The following SCAPER variants were observed in gnomAD, a reference collection of about 807,000 sequenced individuals.
SCAPER encodes the protein S phase cyclin A-associated protein in the endoplasmic reticulum.
Under a neutral mutation model 182.2 loss-of-function variants are expected in SCAPER, and 98 were observed. The observed-to-expected ratio is 0.54, with a 90% CI of 0.46 to 0.64. The LOEUF (loss-of-function observed/expected upper bound fraction) is 0.64, where lower values mean the gene tolerates loss of function less well. Ranked by LOEUF, SCAPER falls within the 30% of genes least tolerant of loss-of-function variation. The probability of loss-of-function intolerance (pLI) is 0.00; values close to 1 mark genes in which losing one functional copy is unlikely to be tolerated. For missense variants in SCAPER, 1,432 were observed against 1,690.0 expected (o/e 0.85, Z 2.68); for synonymous variants, 605 against 564.6 (o/e 1.07, Z -1.01).
chr15:76,483,672 T>C (rs1197603772), intron 24 of SCAPER, among the ~76,000 whole-genome samples: 4 of 152,056 alleles, frequency 2.6e-5, no homozygotes, highest in African/African-American at 9.7e-5. Context: ...AAAATCTAGT[T>C]AAAAAGTGGG....
intron 23 of SCAPER, among the ~76,000 whole-genome samples, chr15:76,566,311 A>G (rs1353767413): frequency 1.3e-5 from 2 of 152,146 alleles, no homozygotes; most frequent in Admixed American, 6.6e-5. Flanking sequence ...TTATAATGTA[A>G]ATTGTGATTT....
At chr15:76,517,808 G>A (rs1177263378) in intron 23 of SCAPER, among the ~76,000 whole-genome samples, 1 of 151,838 alleles carries the variant, frequency 6.6e-6, no homozygotes, top group Non-Finnish European at 1.5e-5. Flanking sequence ...AATACCACAT[G>A]CATTTAGCTT....
At chr15:76,455,738 G>A (rs895658757) in intron 25 of SCAPER, among the ~76,000 whole-genome samples, 4 of 152,044 alleles carry the variant, frequency 2.6e-5, no homozygotes, top group Admixed American at 6.6e-5. Flanking sequence ...TACACGTGCC[G>A]TGGTGGTTTG....
At chr15:76,770,727 C>T (rs1598626591) in intron 10 of SCAPER, among the ~76,000 whole-genome samples, 3 of 152,144 alleles carry the variant, frequency 2.0e-5, no homozygotes, top group Admixed American at 2.0e-4. Context: ...GAAAAATATA[C>T]AATTTGATAT....
chr15:76,770,542 TTTTC>T (rs1211405721), intron 10 of SCAPER, among the ~76,000 whole-genome samples: 9 of 152,242 alleles, frequency 5.9e-5, no homozygotes, highest in African/African-American at 2.2e-4. Flanking sequence ...GCAGAATTTA[TTTTC>T]TTTCAAGTAT....
intron 15 of SCAPER, among the ~76,000 whole-genome samples, chr15:76,733,901 G>A (rs1322584610): frequency 6.6e-6 from 1 of 152,130 alleles, no homozygotes; most frequent in Non-Finnish European, 1.5e-5. Context: ...AATCCAGTGT[G>A]TATAAAAAAT....
chr15:76,530,496 G>T (rs2043562788), intron 23 of SCAPER, among the ~76,000 whole-genome samples: 2 of 152,122 alleles, frequency 1.3e-5, no homozygotes, highest in South Asian at 4.2e-4. Flanking sequence ...AAAATTTAAA[G>T]GCATCATGTA....
intron 5 of SCAPER, among the ~76,000 whole-genome samples, chr15:76,832,201 A>G (rs578106281): frequency 6.6e-6 from 1 of 152,356 alleles, no homozygotes; most frequent in South Asian, 2.1e-4. Flanking sequence ...TCCAGAAGAC[A>G]TAGGAGAAGG....
chr15:76,353,968 A>G lies in SCAPER; in HGVS notation c.4028T>C (p.Leu1343Ser), dbSNP rs2040782711. ...IILEQEMSCV[L>S]LATFIQDLAQ... ...AGGTACCTGAATGAAAGTGGCCAGTAAAACACAGCTCATCTCTTGCTCCAG... is the reference window on the plus strand; with the variant it reads ...AGGTACCTGAATGAAAGTGGCCAGTGAAACACAGCTCATCTCTTGCTCCAG... Residue 1343 changes from leucine (L) to serine (S), a missense_variant, in exon 30 of 32, where the codon TTA (leucine) becomes TCA (serine). Around this residue, in one of 5 missense-constraint regions of SCAPER, gnomAD observed 718 missense variants for 799.7 expected, o/e 0.90. Coordinates refer to ENST00000563290, the MANE Select transcript of SCAPER (RefSeq NM_020843.4). 1 of 1,584,488 alleles carries G rather than the reference A, an allele frequency of 6.3e-7. No individual in the cohort carries two copies. Among genetic ancestry groups the G allele is most frequent in the South Asian group, 1.2e-5 (1 of 86,110 alleles).
At chr15:76,830,664 C>T (rs1376801349) in intron 5 of SCAPER, among the ~76,000 whole-genome samples, 1 of 151,954 alleles carries the variant, frequency 6.6e-6, no homozygotes, top group Non-Finnish European at 1.5e-5. Flanking sequence ...GGAAGAGAAA[C>T]ACATCAGGTT....
At chr15:76,401,041 A>G (rs1263202498) in intron 27 of SCAPER, among the ~76,000 whole-genome samples, 1 of 151,942 alleles carries the variant, frequency 6.6e-6, no homozygotes, top group Admixed American at 6.6e-5. Flanking sequence ...GAATATAAGC[A>G]GTTTTTCTTA....
At chr15:76,381,264 A>G in intron 28 of SCAPER, 114 bp downstream of exon 28, 1 of 704,556 alleles carries the variant, frequency 1.4e-6, no homozygotes, top group South Asian at 2.1e-5. Flanking sequence ...TTATAATTCC[A>G]TTTATTGTAG....
At chr15:76,494,543 G>T (rs926126849) in intron 24 of SCAPER, among the ~76,000 whole-genome samples, 3 of 152,052 alleles carry the variant, frequency 2.0e-5, no homozygotes, top group Non-Finnish European at 2.9e-5. Flanking sequence ...TCAATGAAAT[G>T]ATATTTTACT....
chr15:76,824,433 A>G (rs2067828077), intron 5 of SCAPER, among the ~76,000 whole-genome samples: 3 of 152,210 alleles, frequency 2.0e-5, no homozygotes, highest in African/African-American at 7.2e-5. Flanking sequence ...CCTCCAATTC[A>G]GCTACAGGAA....
intron 22 of SCAPER, among the ~76,000 whole-genome samples, chr15:76,590,048 T>C (rs905186790): frequency 2.0e-5 from 3 of 152,226 alleles, no homozygotes; most frequent in South Asian, 2.1e-4. Flanking sequence ...CAGTGGATCG[T>C]AGGAGCAATC....
intron 4 of SCAPER, among the ~76,000 whole-genome samples, chr15:76,854,004 A>T (rs1274827473): frequency 6.6e-6 from 1 of 152,144 alleles, no homozygotes; most frequent in Non-Finnish European, 1.5e-5. Context: ...AGTCACTAGC[A>T]TTCTTCCTGT....
chr15:76,816,487 A>G (rs1380510843), intron 5 of SCAPER, among the ~76,000 whole-genome samples: 1 of 152,122 alleles, frequency 6.6e-6, no homozygotes, highest in Admixed American at 6.5e-5. Flanking sequence ...GAGCAAGAAA[A>G]TAACATGTAT....
chr15:76,363,517 C>T (rs1052185800), intron 29 of SCAPER, among the ~76,000 whole-genome samples: 19 of 152,158 alleles, frequency 1.2e-4, no homozygotes, highest in African/African-American at 4.6e-4. Flanking sequence ...TTGTAAGCAC[C>T]TGTCAAAACC....
intron 27 of SCAPER, among the ~76,000 whole-genome samples, chr15:76,402,559 C>G (rs1361917485): frequency 6.6e-6 from 1 of 151,980 alleles, no homozygotes; most frequent in African/African-American, 2.4e-5. Context: ...TGTGCAAATT[C>G]TCTTCTGCTA....
Sources: allele counts gnomAD v4.1 joint callset (sites outside exome capture counted in the v4.1 genomes callset), GRCh38; gene constraint gnomAD v4.1.1; regional missense constraint gnomAD v4.1.1; transcripts MANE v1.5; gene names NCBI Gene and HGNC (gene_info 2026-07-23, HGNC 2026-07-21).